Variants in ANAPC2 observed in about 807,000 individuals in gnomAD.
ANAPC2 encodes anaphase-promoting complex subunit 2.
Under a neutral mutation model 84.3 loss-of-function variants are expected in ANAPC2, and 29 were observed. That is an observed-to-expected ratio of 0.34 (90% CI 0.26 to 0.47). The LOEUF is 0.47. ANAPC2 is among the 20% of genes least tolerant of loss of function. The pLI, the probability that ANAPC2 is intolerant of heterozygous loss-of-function variation, is 1.00. For missense variants in ANAPC2, 857 were observed against 1,131.7 expected (o/e 0.76, Z 3.48); for synonymous variants, 571 against 479.4 (o/e 1.19, Z -2.50).
intron 1 of ANAPC2, 105 bp from the exon 2 acceptor site, chr9:137,188,208 CT>C: frequency 7.0e-7 from 1 of 1,438,334 alleles, no homozygotes; most frequent in Non-Finnish European, 9.3e-7. Context: ...CCGCTGCCCC[CT>C]GTCCGTGCTG....
chr9:137,174,913 G>A lies in ANAPC2; in HGVS notation c.*29C>T. The stretch of plus-strand genomic sequence containing the variant: ...CGAGAGCACCTGCAGGGCAGCGCCT[G>A]GCGGGCGGGCGGGCGGGCGGGCGAT... On this transcript the variant is annotated 3_prime_UTR_variant, in exon 13 of 13. Coordinates refer to ENST00000323927, the MANE Select transcript of ANAPC2 (RefSeq NM_013366.4). This position sits in a 1 kb window ranked among gnomAD's most constrained non-coding sequence, Gnocchi z 6.1. The A allele has an allele frequency of 7.2e-7, 1 of 1,393,486 alleles. No homozygotes were observed. The highest frequency in any genetic ancestry group is 9.3e-7 in the Non-Finnish European group (1 of 1,069,852). The allele number at this position is 1,393,486 out of a possible 1,614,324, so 86.3% of individuals were successfully genotyped here.
rs753866074 is a variant in ANAPC2 at position 137,184,953 on chromosome 9, G to A, written c.1008C>T (p.Tyr336=). 51 of 1,612,398 alleles carry A rather than the reference G, an allele frequency of 3.2e-5. 1 individual carries two copies. The Middle Eastern group carries it at 1.8e-3, about 57-fold the overall frequency. The change falls in exon 4 of 13, where the codon TAC becomes TAT. Residue 336 remains tyrosine, a synonymous_variant. Transcript: ENST00000323927. ...CHVQRFFYRI[Y]ASLRIEELFS... ...AGAGCTCCTCGATGCGCAGGCTGGC[G>A]TAGATGCGGTAGAAGAACCTTTGCA...
rs1399996739 is a variant in ANAPC2 at position 137,183,696 on chromosome 9, G to A, written c.1144C>T (p.Leu382=). 2 of 1,612,268 alleles carry A rather than the reference G, an allele frequency of 1.2e-6. No homozygotes were observed. Among genetic ancestry groups the A allele is most frequent in the Admixed American group, 1.7e-5 (1 of 59,948 alleles). Residue 382 remains leucine, a synonymous_variant, in exon 5 of 13, where the codon CTG becomes TTG. Transcript: ENST00000323927. ...QQLLVSLKAA[L]ETRLLHPGVN... is the part of the protein sequence containing the mutation. ...CCTGGATGCAGGAGCCGAGTCTCCA[G>A]GGCAGCCTTGAGGGACACGAGCAGC...
intron 3 of ANAPC2, 105 bp from the exon 4 acceptor site, chr9:137,185,192 C>G: frequency 1.6e-6 from 2 of 1,269,688 alleles, no homozygotes; most frequent in Non-Finnish European, 2.1e-6. Context: ...CGGCCGGGAC[C>G]GAGGGGAGCC....
intron 4 of ANAPC2, among the ~76,000 whole-genome samples, chr9:137,184,667 G>GA (rs1834421194): frequency 6.9e-6 from 1 of 144,558 alleles, no homozygotes; most frequent in African/African-American, 2.6e-5. Context: ...CGCAGACACA[G>GA]GGAGCCCAGA....
In ANAPC2 at chr9:137,188,079, C is replaced by T. The variant is rs202213027; in HGVS notation, c.142G>A (p.Val48Ile). 4.0e-5 allele frequency: 65 copies of T among 1,612,498 alleles called. No individual in the cohort carries two copies. Among genetic ancestry groups the T allele is most frequent in the Non-Finnish European group, 5.3e-5 (62 of 1,179,800 alleles). Residue 48 changes from valine (V) to isoleucine (I), a missense_variant, in exon 2 of 13, where the codon GTC (valine) becomes ATC (isoleucine). Around this residue, in one of 3 missense-constraint regions of ANAPC2, gnomAD observed 428 missense variants for 513.8 expected, o/e 0.83. Coordinates refer to ENST00000323927, the MANE Select transcript of ANAPC2 (RefSeq NM_013366.4). ...CGGAGCTCCTCTTCCTTTGGCGGGA[C>T]TGCACCGCTGGTCCGGGAAGACACC... Reference protein sequence around the residue: ...GLVSSRTSGAVPPKEEELRAA... With the variant: ...GLVSSRTSGAIPPKEEELRAA...
At position 137,174,910 on chromosome 9, in the gene ANAPC2, CCTGGCGGGCGGG is replaced by C. The variant is rs767355203; in HGVS notation, c.*20_*31del. Reference sequence around the variant, plus strand: ...GGACGAGAGCACCTGCAGGGCAGCGCCTGGCGGGCGGGCGGGCGGGCGGGCGATGTGTCAGCT... The same window carrying C: ...GGACGAGAGCACCTGCAGGGCAGCGCCGGGCGGGCGGGCGATGTGTCAGCT... On this transcript the variant is annotated 3_prime_UTR_variant, in exon 13 of 13. Transcript: ENST00000323927. This position sits in a 1 kb window ranked among gnomAD's most constrained non-coding sequence, Gnocchi z 6.1. 1.5e-5 allele frequency: 12 copies of C among 804,984 alleles called. No homozygotes were observed. The highest frequency in any genetic ancestry group is 4.2e-5 in the African/African-American group (2 of 47,342). The allele number at this position is 804,984 out of a possible 1,614,324, so 49.9% of individuals were successfully genotyped here.
In ANAPC2 at chr9:137,187,759, G is replaced by C; in HGVS notation, c.462C>G (p.His154Gln). The change falls in exon 2 of 13, where the codon CAC (histidine) becomes CAG (glutamine). Residue 154 changes from histidine (H) to glutamine (Q), a missense_variant. Around this residue, in one of 3 missense-constraint regions of ANAPC2, gnomAD observed 428 missense variants for 513.8 expected, o/e 0.83. Coordinates refer to ENST00000323927, the MANE Select transcript of ANAPC2 (RefSeq NM_013366.4). The stretch of plus-strand genomic sequence containing the variant: ...AGAACAAGACTCCGCGCAACATAGT[G>C]TGGACTTCTTCTCGCAGCCCCTGAG... ...TGAQGLREEV[H>Q]TMLRGVLFFS... is the part of the protein sequence containing the mutation. 1 of 1,613,778 alleles carries C rather than the reference G, an allele frequency of 6.2e-7. No individual in the cohort carries two copies. The highest frequency in any genetic ancestry group is 8.5e-7 in the Non-Finnish European group (1 of 1,180,038).
At chr9:137,187,044 A>G in intron 2 of ANAPC2, 1 of 184,822 alleles carries the variant, frequency 5.4e-6, no homozygotes, top group Middle Eastern at 2.6e-3. Context: ...TCTCCTCTCC[A>G]AACTAACAAG....
At chr9:137,185,366 A>G (rs953591575) in intron 3 of ANAPC2, among the ~76,000 whole-genome samples, 2 of 152,236 alleles carry the variant, frequency 1.3e-5, no homozygotes, top group African/African-American at 4.8e-5. Context: ...GACATGACAG[A>G]CACACACGAC....
chr9:137,181,748 G>C lies in ANAPC2; in HGVS notation c.1401C>G (p.Gly467=), dbSNP rs752723453. The C allele has an allele frequency of 5.0e-6, 8 of 1,612,282 alleles. No homozygotes were observed. The highest frequency in any genetic ancestry group is 6.8e-6 in the Non-Finnish European group (8 of 1,179,962). The part of the protein sequence containing the change: ...SKTDPASLET[G]QDSEDDSGEP... ...CGCCTGAGTCATCCTCACTGTCCTG[G>C]CCTGTCTCCAGGCTCGCCGGGTCGG... is the stretch of plus-strand genomic sequence containing the variant. Residue 467 remains glycine (G), a synonymous_variant, in exon 7 of 13, where the codon GGC becomes GGG. Coordinates refer to ENST00000323927, the MANE Select transcript of ANAPC2 (RefSeq NM_013366.4).
At chr9:137,186,024 C>G (rs961138709) in intron 3 of ANAPC2, among the ~76,000 whole-genome samples, 200 bp downstream of exon 3, 1 of 152,198 alleles carries the variant, frequency 6.6e-6, no homozygotes, top group Non-Finnish European at 1.5e-5. Flanking sequence ...ATCCGAAGAG[C>G]GCACCTCAGA....
At chr9:137,179,253 A>G (rs1834287777) in intron 10 of ANAPC2, among the ~76,000 whole-genome samples, 1 of 151,994 alleles carries the variant, frequency 6.6e-6, no homozygotes, top group Non-Finnish European at 1.5e-5. Context: ...CCCAGTCCTG[A>G]GCACTCGCTG....
intron 10 of ANAPC2, among the ~76,000 whole-genome samples, chr9:137,179,809 G>A (rs766735529): frequency 6.6e-6 from 1 of 152,214 alleles, no homozygotes; most frequent in Non-Finnish European, 1.5e-5. Context: ...AGTGACGCAA[G>A]GCACCCCAAG....
At position 137,188,022 on chromosome 9, in the gene ANAPC2, G is replaced by A. The variant is rs769293220; in HGVS notation, c.199C>T (p.Leu67=). 9.4e-5 allele frequency: 152 copies of A among 1,613,860 alleles called. No homozygotes were observed. In the East Asian group the frequency reaches 3.3e-3, roughly 35 times the overall value. ...AACCACTCCTCCAGGACCGAGTGTA[G>A]CCCGTGGCCCCTCAGAACCTCCACC... ...AAVEVLRGHG[L]HSVLEEWFVE... The change falls in exon 2 of 13, where the codon CTA becomes TTA. Residue 67 remains leucine (L), a synonymous_variant. Coordinates refer to ENST00000323927, the MANE Select transcript of ANAPC2 (RefSeq NM_013366.4).
intron 9 of ANAPC2, 31 bp from the exon 10 acceptor site, chr9:137,180,415 G>A: frequency 1.2e-6 from 2 of 1,612,566 alleles, no homozygotes; most frequent in Non-Finnish European, 8.5e-7. Context: ...CGGGGGACCT[G>A]CGGGGCGGCC....
intron 10 of ANAPC2, among the ~76,000 whole-genome samples, chr9:137,178,511 AGCAACGCTGGAGAGCCTGAG>A (rs1324839471): frequency 6.6e-6 from 1 of 151,978 alleles, no homozygotes. Flanking sequence ...CTTGCCTGGA[AGCAACGCTGGAGAGCCTGAG>A]GCAGCCAGAG....
intron 11 of ANAPC2, 78 bp from the exon 12 acceptor site, chr9:137,175,550 C>G: frequency 1.3e-6 from 2 of 1,481,916 alleles, no homozygotes; most frequent in East Asian, 5.0e-5. Flanking sequence ...GCCGAGAGGT[C>G]GGGGGGCTCC....
Position 137,184,897 on chromosome 9 carries a change from G to A in ANAPC2, c.1048+16C>T. 1 of 1,610,040 alleles carries A rather than the reference G, an allele frequency of 6.2e-7. No individual in the cohort carries two copies. Among genetic ancestry groups the A allele is most frequent in the South Asian group, 1.1e-5 (1 of 90,734 alleles). ...CCCAGACGGGAGAGCGGACCCCAGG[G>A]CCGGGGCAGGACCACCTCGGACGAT... On this transcript the variant is annotated intron_variant, in intron 4 of 12. Coordinates refer to ENST00000323927, the MANE Select transcript of ANAPC2 (RefSeq NM_013366.4).
Sources: allele counts gnomAD v4.1 joint callset (sites outside exome capture counted in the v4.1 genomes callset), GRCh38; gene constraint gnomAD v4.1.1; regional missense constraint gnomAD v4.1.1; non-coding constraint Gnocchi (gnomAD v3.1); transcripts MANE v1.5; gene names NCBI Gene and HGNC (gene_info 2026-07-23, HGNC 2026-07-21).